POLH: variants seen among roughly 807,000 people sequenced by gnomAD.
POLH encodes DNA polymerase eta.
Under a neutral mutation model 73.6 loss-of-function variants are expected in POLH, and 53 were observed. The observed-to-expected ratio is 0.72, with a 90% confidence interval of 0.58 to 0.91. POLH has a LOEUF of 0.91. Among genes scored for constraint, POLH ranks in the 40% least tolerant of loss-of-function variants. The pLI is 0.00. For missense variants in POLH, 768 were observed against 865.4 expected (o/e 0.89, Z 1.41); for synonymous variants, 292 against 308.5 (o/e 0.95, Z 0.56).
intron 4 of POLH, among the ~76,000 whole-genome samples, chr6:43,593,324 T>G (rs1237144105): frequency 6.6e-6 from 1 of 152,142 alleles, no homozygotes; most frequent in Non-Finnish European, 1.5e-5. Flanking sequence ...CCACAGAAAT[T>G]GACAAACTGA....
At chr6:43,612,151 A>T (rs903766678) in intron 10 of POLH, among the ~76,000 whole-genome samples, 9 of 152,198 alleles carry the variant, frequency 5.9e-5, no homozygotes, top group African/African-American at 1.4e-4. Context: ...ATTTTCAAAT[A>T]TTGAAGTTTT....
chr6:43,602,995 CTTTTT>C (rs59306548), intron 6 of POLH, among the ~76,000 whole-genome samples: 2 of 114,030 alleles, frequency 1.8e-5, no homozygotes, highest in African/African-American at 7.8e-5. Context: ...TTATGTATTC[CTTTTT>C]TTTTTTTTTT....
rs1561910006 is a variant in POLH, at chr6:43,604,718, G to A, written c.988G>A (p.Ala330Thr). The change falls in exon 8 of 11, where the codon GCT becomes ACT. Residue 330 changes from alanine to threonine, a missense_variant. Physicochemically the swap from Ala to Thr is moderately conservative, Grantham distance 58 (BLOSUM62 0). Coordinates refer to ENST00000372236, the MANE Select transcript of POLH (RefSeq NM_006502.3). The part of the protein sequence containing the change: ...GCSKNFPGKT[A>T]LATREQVQWW... The stretch of plus-strand genomic sequence containing the variant: ...TAGTAAGAACTTCCCAGGAAAAACA[G>A]CTCTTGCTACTCGGGAACAGGTAAG... The A allele has an allele frequency of 6.2e-7, 1 of 1,614,104 alleles. No individual in the cohort carries two copies. Among genetic ancestry groups the A allele is most frequent in the Non-Finnish European group, 8.5e-7 (1 of 1,180,002 alleles).
intron 7 of POLH, 22 bp from the exon 8 acceptor site, chr6:43,604,593 C>T (rs368691529): frequency 8.4e-5 from 135 of 1,611,382 alleles, no homozygotes; most frequent in Non-Finnish European, 1.1e-4. Context: ...TTCACCTTAA[C>T]GTTTTTTGCT....
intron 1 of POLH, among the ~76,000 whole-genome samples, chr6:43,581,469 A>G (rs1337565565): frequency 7.0e-4 from 80 of 113,534 alleles, no homozygotes; most frequent in Middle Eastern, 5.8e-3. Flanking sequence ...AGGCAGAGAC[A>G]CTCCTCACTT....
chr6:43,597,109 A>AT (rs925820195), intron 4 of POLH, among the ~76,000 whole-genome samples: 25 of 151,650 alleles, frequency 1.6e-4, no homozygotes, highest in Middle Eastern at 3.4e-3. Context: ...TGTTTACATT[A>AT]TTTTTTTTTA....
At chr6:43,580,747 G>T (rs1377479372) in intron 1 of POLH, among the ~76,000 whole-genome samples, 1 of 135,982 alleles carries the variant, frequency 7.4e-6, no homozygotes, top group Non-Finnish European at 1.6e-5. Context: ...CGGACGGGGC[G>T]GCTGGCCGGG....
chr6:43,603,964 C>G lies in POLH; in HGVS notation c.837C>G (p.Thr279=), dbSNP rs1316327135. The change falls in exon 7 of 11, where the codon ACC becomes ACG. Residue 279 remains threonine, a synonymous_variant. Transcript: ENST00000372236. ...GGATAGAATACATGGGTGAACTGAC[C>G]CAGTTCACTGAATCCCAGCTCCAGA... is the stretch of plus-strand genomic sequence containing the variant. ...ILGIEYMGEL[T]QFTESQLQSH... 4 of 1,608,714 alleles carry G rather than the reference C, an allele frequency of 2.5e-6. No homozygotes were observed. The highest frequency in any genetic ancestry group is 3.4e-6 in the Non-Finnish European group (4 of 1,175,130).
chr6:43,590,812 A>G lies in POLH; in HGVS notation c.490+3323A>G, dbSNP rs558465967. The G allele has an allele frequency of 2.6e-5, 4 of 151,178 alleles. No individual in the cohort carries two copies. The East Asian group carries it at 7.9e-4, about 30-fold the overall frequency. 9.4% of individuals were successfully genotyped at this position (151,178 alleles called of 1,614,324 possible). ...GTGGCAGGTGCCTGTAATCCCAGCT[A>G]CTTGGGAGGCTGAGACAGGAGAATC... On this transcript the variant is annotated intron_variant, in intron 4 of 10. Transcript: ENST00000372236.
chr6:43,617,056 G>A lies in POLH; in HGVS notation c.*2499G>A, dbSNP rs147353387. Among the ~76,000 whole-genome samples, 1,916 of 152,302 alleles carry A rather than the reference G, an allele frequency of 0.013. 43 individuals are homozygous for A. The highest frequency in any genetic ancestry group is 0.044 in the African/African-American group (1,828 of 41,558). On this transcript the variant is annotated 3_prime_UTR_variant, in exon 11 of 11. Coordinates refer to ENST00000372236, the MANE Select transcript of POLH (RefSeq NM_006502.3). ...AATACAAAAATTAGCCGGGCATGGTGGTGGGTGCGTGTAATCCCAGCTAGT... is the reference window on the plus strand; with the variant it reads ...AATACAAAAATTAGCCGGGCATGGTAGTGGGTGCGTGTAATCCCAGCTAGT...
intron 10 of POLH, among the ~76,000 whole-genome samples, chr6:43,613,331 T>C (rs1197207281): frequency 2.0e-5 from 3 of 152,182 alleles, no homozygotes; most frequent in African/African-American, 7.2e-5. Flanking sequence ...TTACAGCAGC[T>C]TTCCAGTGGT....
In POLH at chr6:43,605,213, G is replaced by A. The variant is rs12212631; in HGVS notation, c.1009-41G>A. On this transcript the variant is annotated intron_variant, in intron 8 of 10. Transcript: ENST00000372236. Reference sequence around the variant, plus strand: ...CACCATCTAGTTCTTAATAGACTTCGAGTGTTTAAATGAAAGATTAAAGTC... The same window carrying A: ...CACCATCTAGTTCTTAATAGACTTCAAGTGTTTAAATGAAAGATTAAAGTC... The A allele has an allele frequency of 8.1e-3, 9,422 of 1,159,916 alleles. 52 individuals carry two copies. Among genetic ancestry groups the A allele is most frequent in the Non-Finnish European group, 0.01 (7,741 of 770,830 alleles). 71.9% of individuals were successfully genotyped at this position (1,159,916 alleles called of 1,614,324 possible).
rs759607901 is a variant in POLH at position 43,604,637 on chromosome 6, C to T, written c.907C>T (p.Arg303Ter). The T allele has an allele frequency of 9.9e-6, 16 of 1,613,770 alleles. No homozygotes were observed. The highest frequency in any genetic ancestry group is 2.2e-5 in the East Asian group (1 of 44,888). ...KNGSWLYAMC[R>*]GIEHDPVKPR... ...TAGGTCTTGGCTATATGCCATGTGC[C>T]GAGGGATTGAACATGATCCAGTTAA... The change falls in exon 8 of 11, where the codon CGA becomes TGA. Residue 303 changes from arginine to a stop codon, truncating the protein, a stop_gained. Coordinates refer to ENST00000372236, the MANE Select transcript of POLH (RefSeq NM_006502.3). LOFTEE classifies it high-confidence loss of function.
At chr6:43,580,874 G>A (rs1443053924) in intron 1 of POLH, among the ~76,000 whole-genome samples, 1,567 of 141,382 alleles carry the variant, frequency 0.011, no homozygotes, top group African/African-American at 0.038. Flanking sequence ...CAGACGGGGC[G>A]GCTGGCCGGG....
chr6:43,593,466 G>T (rs1323451973), intron 4 of POLH, among the ~76,000 whole-genome samples: 1 of 152,198 alleles, frequency 6.6e-6, no homozygotes, highest in African/African-American at 2.4e-5. Context: ...TTTGGTATTG[G>T]TGTGAGAAAA....
intron 4 of POLH, 60 bp from the exon 5 acceptor site, chr6:43,597,636 T>C (rs1019201638): frequency 1.4e-6 from 2 of 1,461,908 alleles, no homozygotes; most frequent in African/African-American, 1.4e-5. Flanking sequence ...CTACATTAGA[T>C]AGCACAATTA....
chr6:43,584,068 G>A (rs978606772), intron 3 of POLH, among the ~76,000 whole-genome samples: 4 of 152,170 alleles, frequency 2.6e-5, no homozygotes, highest in Non-Finnish European at 4.4e-5. Context: ...GCTTGAGCCT[G>A]GGAGGCAGAG....
chr6:43,600,479 A>C (rs1356759161), intron 5 of POLH, among the ~76,000 whole-genome samples: 2 of 152,192 alleles, frequency 1.3e-5, no homozygotes, highest in Non-Finnish European at 2.9e-5. Flanking sequence ...ATTTATAAGA[A>C]GGTGTTTGTT....
intron 4 of POLH, among the ~76,000 whole-genome samples, chr6:43,597,469 T>G (rs558454492): frequency 7.8e-4 from 118 of 152,210 alleles, no homozygotes; most frequent in Non-Finnish European, 1.5e-3. Flanking sequence ...ACAAAATATT[T>G]GTCGTACATT....
Sources: allele counts gnomAD v4.1 joint callset (sites outside exome capture counted in the v4.1 genomes callset), GRCh38; gene constraint gnomAD v4.1.1; transcripts MANE v1.5; gene names NCBI Gene and HGNC (gene_info 2026-07-23, HGNC 2026-07-21).